The following RBFOX2 variants were observed in gnomAD, a reference collection of about 807,000 sequenced individuals.
The protein encoded by RBFOX2 is RNA binding fox-1 homolog 2, also known as RNA binding protein fox-1 homolog 2.
RBFOX2 carries 10 observed loss-of-function variants against 49.1 expected under a neutral mutation model. That is an observed-to-expected ratio of 0.20 (90% CI 0.13 to 0.35). The LOEUF (loss-of-function observed/expected upper bound fraction) is 0.35. RBFOX2 is among the 10% of genes least tolerant of loss of function. The pLI, the probability that RBFOX2 is intolerant of heterozygous loss-of-function variation, is 1.00. For synonymous variants in RBFOX2, 183 were observed against 187.4 expected, an observed-to-expected ratio of 0.98 and a Z score of 0.19; for missense variants, 323 against 486.9, an observed-to-expected ratio of 0.66 and a Z score of 3.17.
chr22:35,881,230 A>G (rs1024018815), intron 1 of RBFOX2, among the ~76,000 whole-genome samples: 16 of 150,880 alleles, frequency 1.1e-4, no homozygotes, highest in African/African-American at 3.7e-4. Context: ...GCGCCACTGC[A>G]CTCCAGCTTG....
intron 1 of RBFOX2, among the ~76,000 whole-genome samples, chr22:36,022,131 A>G (rs2059267785): frequency 6.6e-6 from 1 of 152,234 alleles, no homozygotes; most frequent in South Asian, 2.1e-4. Flanking sequence ...ATTCAAAGAA[A>G]TCTGCTTACT....
At chr22:35,974,554 G>A (rs1195690928) in intron 1 of RBFOX2, among the ~76,000 whole-genome samples, 1 of 152,064 alleles carries the variant, frequency 6.6e-6, no homozygotes, top group African/African-American at 2.4e-5. Flanking sequence ...AGGTGTGGTG[G>A]CACACATCTG....
At chr22:35,857,940 G>A (rs1053105388) in intron 1 of RBFOX2, among the ~76,000 whole-genome samples, 2 of 152,190 alleles carry the variant, frequency 1.3e-5, no homozygotes, top group Non-Finnish European at 1.5e-5. Context: ...ACTAGGGAAG[G>A]TATTTCATAA....
intron 1 of RBFOX2, among the ~76,000 whole-genome samples, chr22:35,907,767 C>T (rs1026548591): frequency 6.6e-6 from 1 of 152,104 alleles, no homozygotes; most frequent in Non-Finnish European, 1.5e-5. Context: ...TGTGCTCAGC[C>T]TCCCAAGTAG....
intron 1 of RBFOX2, among the ~76,000 whole-genome samples, chr22:35,968,604 T>G (rs1034446793): frequency 6.6e-6 from 1 of 152,228 alleles, no homozygotes; most frequent in African/African-American, 2.4e-5. Flanking sequence ...ACTCCTCTGA[T>G]GCAAAACAAC....
intron 4 of RBFOX2, among the ~76,000 whole-genome samples, chr22:35,772,072 T>C (rs963561080): frequency 6.6e-6 from 1 of 152,138 alleles, no homozygotes; most frequent in Non-Finnish European, 1.5e-5. Flanking sequence ...ACCGGTATAA[T>C]ATATGTAACA....
chr22:36,026,951 G>A (rs369981197), intron 1 of RBFOX2, among the ~76,000 whole-genome samples: 68 of 152,288 alleles, frequency 4.5e-4, no homozygotes, highest in African/African-American at 1.4e-3. Flanking sequence ...TAGCACTGCA[G>A]AGATTTCCAA....
intron 1 of RBFOX2, among the ~76,000 whole-genome samples, chr22:35,879,821 C>T (rs2045642818): frequency 6.6e-6 from 1 of 152,098 alleles, no homozygotes; most frequent in Admixed American, 6.6e-5. Context: ...TTACAAAAAC[C>T]TGGGCAAGAG....
At chr22:35,907,155 CTCTCT>C (rs1164161110) in intron 1 of RBFOX2, among the ~76,000 whole-genome samples, 1 of 152,096 alleles carries the variant, frequency 6.6e-6, no homozygotes, top group East Asian at 1.9e-4. Context: ...TCCCAATATC[CTCTCT>C]TCTCTTCTTC....
chr22:35,739,821 G>C (rs1185066384), exon 12 of RBFOX2: 1 of 152,594 alleles, frequency 6.6e-6, no homozygotes, highest in East Asian at 1.9e-4. Context: ...ACAAGTACCA[G>C]ACAAGGAGGA....
chr22:35,845,933 A>G (rs1234133266), intron 1 of RBFOX2, among the ~76,000 whole-genome samples: 1 of 152,040 alleles, frequency 6.6e-6, no homozygotes, highest in Admixed American at 6.6e-5. Flanking sequence ...AGGTACTCAA[A>G]AAACAGTTGG....
At position 36,012,654 on chromosome 22, in the gene RBFOX2, C is replaced by G. The variant is rs935876519; in HGVS notation, c.186+15586G>C. On this transcript the variant is annotated intron_variant, in intron 1 of 13. Coordinates refer to the RBFOX2 transcript ENST00000438146. ...ATTACGAGCAATTTTAGTCACCATGCTTCAAATCTGGAGGGTGACTATAGA... is the reference window on the plus strand; with the variant it reads ...ATTACGAGCAATTTTAGTCACCATGGTTCAAATCTGGAGGGTGACTATAGA... 3.9e-5 allele frequency among the ~76,000 whole-genome samples: 6 copies of G among 152,106 alleles called. 1 individual carries two copies. In the South Asian group the frequency reaches 1.2e-3, roughly 32 times the overall value.
chr22:35,841,020 G>A (rs866373978), upstream of RBFOX2, among the ~76,000 whole-genome samples: 2 of 152,034 alleles, frequency 1.3e-5, no homozygotes, highest in African/African-American at 4.8e-5. Flanking sequence ...CTAAAAGAGA[G>A]GACACAGGTA....
chr22:36,026,545 C>CAT (rs68181005), intron 1 of RBFOX2, among the ~76,000 whole-genome samples: 1,958 of 116,962 alleles, frequency 0.017, 35 homozygotes, highest in African/African-American at 0.078. Flanking sequence ...AATACATACA[C>CAT]ACACACACAC....
intron 3 of RBFOX2, among the ~76,000 whole-genome samples, chr22:35,779,321 T>C (rs1002643749): frequency 6.6e-6 from 1 of 152,208 alleles, no homozygotes; most frequent in Non-Finnish European, 1.5e-5. Flanking sequence ...CCTGATTATC[T>C]ACTTCACTTG....
At chr22:35,891,107 G>A (rs937667767) in intron 1 of RBFOX2, among the ~76,000 whole-genome samples, 1 of 152,124 alleles carries the variant, frequency 6.6e-6, no homozygotes, top group Non-Finnish European at 1.5e-5. Flanking sequence ...ATTATTACCT[G>A]TGCATACAGA....
intron 1 of RBFOX2, among the ~76,000 whole-genome samples, chr22:35,817,342 T>C (rs2148356607): frequency 6.6e-6 from 1 of 152,158 alleles, no homozygotes; most frequent in East Asian, 1.9e-4. Context: ...CCAGGTGTGA[T>C]GGTGCACGTC....
At chr22:35,972,391 C>T (rs2056926143) in intron 1 of RBFOX2, among the ~76,000 whole-genome samples, 1 of 150,824 alleles carries the variant, frequency 6.6e-6, no homozygotes, top group Non-Finnish European at 1.5e-5. Flanking sequence ...AGTCAAACCG[C>T]TTATATTCGT....
At chr22:36,018,681 T>A (rs2059134892) in intron 1 of RBFOX2, among the ~76,000 whole-genome samples, 1 of 152,198 alleles carries the variant, frequency 6.6e-6, no homozygotes, top group African/African-American at 2.4e-5. Context: ...TGGCTCGATC[T>A]CTCCTCATTG....
Sources: gnomAD v4.1 joint callset for allele counts (sites outside exome capture counted in the v4.1 genomes callset) on GRCh38, gnomAD v4.1.1 for gene constraint, MANE v1.5 for transcripts, NCBI Gene and HGNC (gene_info 2026-07-23, HGNC 2026-07-21) for gene names.